PPM1L: variants seen among roughly 807,000 people sequenced by gnomAD.
PPM1L encodes the protein protein phosphatase 1L.
Under a neutral mutation model 31.4 loss-of-function variants are expected in PPM1L, and 13 were observed. That is an observed-to-expected ratio of 0.41 (90% CI 0.27 to 0.66). The LOEUF (loss-of-function observed/expected upper bound fraction) is 0.66. Among genes scored for constraint, PPM1L ranks in the 30% least tolerant of loss-of-function variants. The pLI is 0.29. For synonymous variants in PPM1L, 184 were observed against 175.4 expected, an observed-to-expected ratio of 1.05 and a Z score of -0.39; for missense variants, 326 against 453.7, an observed-to-expected ratio of 0.72 and a Z score of 2.56.
intron 1 of PPM1L, among the ~76,000 whole-genome samples, chr3:160,788,895 T>C (rs561919583): frequency 6.0e-4 from 91 of 152,092 alleles, no homozygotes; most frequent in Non-Finnish European, 1.2e-3. Context: ...GAAGCCAGTG[T>C]AAACAACCTG....
intron 1 of PPM1L, among the ~76,000 whole-genome samples, chr3:160,864,601 C>T (rs1008984137): frequency 6.6e-6 from 1 of 152,204 alleles, no homozygotes; most frequent in Admixed American, 6.5e-5. Flanking sequence ...GGCTTCAAAT[C>T]TTTATCAGTT....
At chr3:160,917,987 TTCCTTG>T (rs775489349) in intron 1 of PPM1L, among the ~76,000 whole-genome samples, 3 of 152,372 alleles carry the variant, frequency 2.0e-5, no homozygotes, top group Non-Finnish European at 2.9e-5. Context: ...CTTTGTCCTG[TTCCTTG>T]CCCTAATGCC....
intron 1 of PPM1L, among the ~76,000 whole-genome samples, chr3:160,870,136 G>A (rs2108028724): frequency 6.6e-6 from 1 of 152,256 alleles, no homozygotes; most frequent in East Asian, 1.9e-4. Context: ...GGGGGTAGGG[G>A]AGGAGGAGTT....
chr3:160,781,261 C>A (rs921194666), intron 1 of PPM1L, among the ~76,000 whole-genome samples: 4 of 152,126 alleles, frequency 2.6e-5, no homozygotes, highest in African/African-American at 9.7e-5. Context: ...ATAGCTATGG[C>A]TGACAGATAT....
chr3:160,979,286 C>G (rs1275149552), intron 2 of PPM1L, among the ~76,000 whole-genome samples: 2 of 152,102 alleles, frequency 1.3e-5, no homozygotes, highest in Admixed American at 1.3e-4. Context: ...GGTGTCTGGA[C>G]CCTATCCTGA....
intron 1 of PPM1L, among the ~76,000 whole-genome samples, chr3:160,899,965 A>G (rs1439467300): frequency 1.3e-5 from 2 of 152,082 alleles, no homozygotes; most frequent in East Asian, 3.9e-4. Context: ...TCCTACTTGT[A>G]TTTTGGGTTC....
intron 1 of PPM1L, among the ~76,000 whole-genome samples, chr3:160,924,950 C>A (rs771975547): frequency 1.2e-4 from 18 of 152,174 alleles, no homozygotes; most frequent in Admixed American, 2.6e-4. Flanking sequence ...AACCTCATTG[C>A]AGACATGCTA....
At chr3:160,879,849 C>A (rs564949014) in intron 1 of PPM1L, among the ~76,000 whole-genome samples, 2 of 152,302 alleles carry the variant, frequency 1.3e-5, no homozygotes, top group South Asian at 4.1e-4. Context: ...TTTCTCCAGT[C>A]TCTCACAGTG....
Position 160,756,730 on chromosome 3 carries a change from G to T in PPM1L, c.399+23G>T, listed in dbSNP as rs971012715. 1 of 1,603,128 alleles carries T rather than the reference G, an allele frequency of 6.2e-7. No individual in the cohort carries two copies. On this transcript the variant is annotated intron_variant, in intron 1 of 3. Coordinates refer to ENST00000498165, the MANE Select transcript of PPM1L (RefSeq NM_139245.4). The surrounding 1 kb of genome is among the most constrained non-coding windows in gnomAD (Gnocchi z 6.2). ...GAGGTAGGAGCTACCCCGGGGCTTT[G>T]TATTTGTGTCCGTGTATGTCTCGTG...
At chr3:160,904,587 G>T (rs923373279) in intron 1 of PPM1L, among the ~76,000 whole-genome samples, 2 of 152,094 alleles carry the variant, frequency 1.3e-5, no homozygotes, top group Non-Finnish European at 2.9e-5. Flanking sequence ...ACTCAAGCAG[G>T]TGGGCCAAAT....
intron 2 of PPM1L, among the ~76,000 whole-genome samples, chr3:160,970,646 A>G (rs1337017351): frequency 2.0e-5 from 3 of 151,292 alleles, no homozygotes; most frequent in African/African-American, 7.3e-5. Context: ...TTTGGTAGAG[A>G]TGGGGTTTCA....
At chr3:161,047,702 G>C (rs1313824739) in intron 2 of PPM1L, among the ~76,000 whole-genome samples, 1 of 152,224 alleles carries the variant, frequency 6.6e-6, no homozygotes, top group Non-Finnish European at 1.5e-5. Flanking sequence ...CAAGGCTATA[G>C]TAACCAAAAC....
At chr3:160,876,635 T>G (rs1370124727) in intron 1 of PPM1L, among the ~76,000 whole-genome samples, 2 of 152,204 alleles carry the variant, frequency 1.3e-5, no homozygotes, top group African/African-American at 4.8e-5. Flanking sequence ...TTTAGAGGAA[T>G]TGATTTACTA....
intron 1 of PPM1L, among the ~76,000 whole-genome samples, chr3:160,885,217 C>T (rs1158835628): frequency 1.3e-5 from 2 of 152,134 alleles, no homozygotes; most frequent in Non-Finnish European, 2.9e-5. Context: ...CTCTAAATCC[C>T]TAATTGCTTA....
intron 2 of PPM1L, among the ~76,000 whole-genome samples, chr3:161,014,906 C>T (rs958469301): frequency 3.3e-5 from 5 of 152,152 alleles, no homozygotes; most frequent in Non-Finnish European, 7.3e-5. Flanking sequence ...TGAAATCCAC[C>T]ACTTACGGTG....
intron 1 of PPM1L, among the ~76,000 whole-genome samples, chr3:160,838,971 G>T (rs1472212788): frequency 6.6e-6 from 1 of 152,124 alleles, no homozygotes; most frequent in Non-Finnish European, 1.5e-5. Context: ...ATTAGATAAG[G>T]TCATCAGGGT....
Position 161,071,464 on chromosome 3 carries a change from G to A in PPM1L, c.*2307G>A, listed in dbSNP as rs1719916600. ...AATTTCTTAACAGATGGTGCTGAGT[G>A]CACGAGTTACATAACTTTCTCTCTA... is the stretch of plus-strand genomic sequence containing the variant. On this transcript the variant is annotated 3_prime_UTR_variant, in exon 4 of 4. Coordinates refer to ENST00000498165, the MANE Select transcript of PPM1L (RefSeq NM_139245.4). The A allele has an allele frequency of 1.3e-5, 2 of 152,200 alleles. No homozygotes were observed. The highest frequency in any genetic ancestry group is 4.8e-5 in the African/African-American group (2 of 41,456). 9.4% of individuals were successfully genotyped at this position (152,200 alleles called of 1,614,324 possible). A position where few individuals can be genotyped will look rare whatever the true frequency, so the allele number is the denominator to read the frequency against.
chr3:160,782,713 G>T (rs1371248327), intron 1 of PPM1L, among the ~76,000 whole-genome samples: 1 of 152,122 alleles, frequency 6.6e-6, no homozygotes, highest in Non-Finnish European at 1.5e-5. Flanking sequence ...TTCCAGAAGT[G>T]ATATATGCTA....
intron 1 of PPM1L, among the ~76,000 whole-genome samples, chr3:160,816,809 TA>T: frequency 6.6e-6 from 1 of 152,248 alleles, no homozygotes; most frequent in East Asian, 1.9e-4. Flanking sequence ...GCCTCACTTC[TA>T]ACCTTATTTT....
Sources: gnomAD v4.1 joint callset for allele counts (sites outside exome capture counted in the v4.1 genomes callset) on GRCh38, gnomAD v4.1.1 for gene constraint, Gnocchi (gnomAD v3.1) non-coding constraint, MANE v1.5 for transcripts, NCBI Gene and HGNC (gene_info 2026-07-23, HGNC 2026-07-21) for gene names.